The following PCDHA4 variants were observed in gnomAD, a reference collection of about 807,000 sequenced individuals.
PCDHA4 encodes protocadherin alpha 4, also known as protocadherin alpha-4.
Under a neutral mutation model 61.4 loss-of-function variants are expected in PCDHA4, and 49 were observed. That is an observed-to-expected ratio of 0.80 (90% CI 0.63 to 1.01). The LOEUF (loss-of-function observed/expected upper bound fraction) is 1.01. PCDHA4 is among the 50% of genes least tolerant of loss of function. The pLI is 0.00. For synonymous variants in PCDHA4, 590 were observed against 550.3 expected, an observed-to-expected ratio of 1.07 and a Z score of -1.01; for missense variants, 1,254 against 1,235.8, an observed-to-expected ratio of 1.01 and a Z score of -0.22.
rs1554125113 is a variant in PCDHA4, at chr5:140,809,268, T to G, written c.2081T>G (p.Val694Gly). Residue 694 changes from valine to glycine, a missense_variant, in exon 1 of 4, where the codon GTG becomes GGG. By Grantham distance (109) the Val-to-Gly change is moderately radical. Coordinates refer to ENST00000530339, the MANE Select transcript of PCDHA4 (RefSeq NM_018907.4). ...GCTGTGGGTCCCGATGCTGCGCTGG[T>G]GGATGTCAACGTATACCTGATCATT... is the stretch of plus-strand genomic sequence containing the variant. The part of the protein sequence containing the change: ...VGAVGPDAAL[V>G]DVNVYLIIAI... 6.2e-7 allele frequency: 1 copy of G among 1,614,118 alleles called. No homozygotes were observed. The highest frequency in any genetic ancestry group is 1.1e-5 in the South Asian group (1 of 91,092).
intron 1 of PCDHA4, among the ~76,000 whole-genome samples, chr5:140,954,129 G>T (rs1206426573): frequency 6.6e-6 from 1 of 152,160 alleles, no homozygotes; most frequent in Non-Finnish European, 1.5e-5. Context: ...CCTTTTTATG[G>T]ATGCATAGTA....
At chr5:140,883,018 G>T (rs1400637236) in intron 1 of PCDHA4, 2 of 1,613,968 alleles carry the variant, frequency 1.2e-6, no homozygotes, top group East Asian at 2.2e-5. Flanking sequence ...ATAAAGTGAC[G>T]GTGTTAGAGA....
chr5:140,902,956 G>A (rs1356131798), intron 1 of PCDHA4, among the ~76,000 whole-genome samples: 3 of 152,242 alleles, frequency 2.0e-5, no homozygotes, highest in Non-Finnish European at 4.4e-5. Context: ...TTATCCACTT[G>A]TTGGCTGATG....
intron 1 of PCDHA4, among the ~76,000 whole-genome samples, chr5:140,974,319 G>A (rs781949857): frequency 1.8e-4 from 27 of 152,198 alleles, no homozygotes; most frequent in Non-Finnish European, 3.5e-4. Flanking sequence ...TGAGAGAGTA[G>A]CTGCTGTGCT....
At chr5:140,857,244 C>G in intron 1 of PCDHA4, 1 of 1,598,592 alleles carries the variant, frequency 6.3e-7, no homozygotes, top group Non-Finnish European at 8.6e-7. Context: ...CTGGTGTCCA[C>G]CTACAAGAAT....
At chr5:140,901,654 T>C (rs1274474554) in intron 1 of PCDHA4, among the ~76,000 whole-genome samples, 6 of 152,194 alleles carry the variant, frequency 3.9e-5, no homozygotes. Flanking sequence ...GTTTTGTTCT[T>C]TTTGCTCAAG....
chr5:140,928,998 CGT>C, intron 1 of PCDHA4: 1 of 1,613,902 alleles, frequency 6.2e-7, no homozygotes. Flanking sequence ...TACTTTTCTT[CGT>C]GTGTACCAAG....
intron 1 of PCDHA4, among the ~76,000 whole-genome samples, chr5:140,956,692 C>T (rs246012): frequency 0.56 from 85,656 of 151,960 alleles, 24,760 homozygotes; most frequent in African/African-American, 0.69. Context: ...CCTCCTTTTC[C>T]ATTGTTTGGA....
intron 1 of PCDHA4, chr5:140,815,429 A>C (rs1414322754): frequency 6.6e-6 from 1 of 152,162 alleles, no homozygotes; most frequent in Non-Finnish European, 1.5e-5. Context: ...TTAAACTGAT[A>C]GCATCTTTAC....
intron 2 of PCDHA4, among the ~76,000 whole-genome samples, chr5:140,979,979 T>C (rs1007546118): frequency 6.6e-6 from 1 of 152,194 alleles, no homozygotes; most frequent in African/African-American, 2.4e-5. Flanking sequence ...ATGCATTAGA[T>C]TGAAATAAAT....
chr5:140,871,716 C>G (rs1315028077), intron 1 of PCDHA4: 6 of 796,846 alleles, frequency 7.5e-6, no homozygotes, highest in Non-Finnish European at 1.1e-5. Flanking sequence ...TGTCCTATTT[C>G]TCTTAATATT....
At chr5:140,916,264 A>G (rs1455161672) in intron 1 of PCDHA4, among the ~76,000 whole-genome samples, 1 of 152,200 alleles carries the variant, frequency 6.6e-6, no homozygotes, top group East Asian at 1.9e-4. Flanking sequence ...CCCCAAGAGC[A>G]TGCTTGTTGC....
chr5:140,815,317 A>G (rs1384062495), intron 1 of PCDHA4: 1 of 151,994 alleles, frequency 6.6e-6, no homozygotes, highest in South Asian at 2.1e-4. Context: ...TTGTAATGCT[A>G]TGTTTTTGTT....
intron 1 of PCDHA4, among the ~76,000 whole-genome samples, chr5:140,844,931 A>C (rs1262967576): frequency 6.7e-6 from 1 of 149,362 alleles, no homozygotes; most frequent in Non-Finnish European, 1.5e-5. Flanking sequence ...GAAGGGAATG[A>C]ACGATTTCTG....
intron 1 of PCDHA4, among the ~76,000 whole-genome samples, chr5:140,924,898 AAAAAAAATAAAAT>A (rs1214088536): frequency 1.9e-4 from 10 of 53,034 alleles, no homozygotes; most frequent in Non-Finnish European, 1.3e-4. Context: ...CTGTCTCAAA[AAAAAAAATAAAAT>A]AAAATAAAAT....
In PCDHA4 at chr5:140,856,944, G is replaced by C. The variant is rs1424566635; in HGVS notation, c.2385+47372G>C. Reference sequence around the variant, plus strand: ...AAATTTTGGATAAACGAAAGGACGGGAGAAATAAAAGTAAATGATGCTATT... The same window carrying C: ...AAATTTTGGATAAACGAAAGGACGGCAGAAATAAAAGTAAATGATGCTATT... On this transcript the variant is annotated intron_variant, in intron 1 of 3. Transcript: ENST00000530339. 8.8e-6 allele frequency: 14 copies of C among 1,593,558 alleles called. 1 individual carries two copies. The highest frequency in any genetic ancestry group is 1.3e-5 in the African/African-American group (1 of 74,212).
intron 1 of PCDHA4, among the ~76,000 whole-genome samples, chr5:140,961,708 A>C (rs2095630610): frequency 6.6e-6 from 1 of 152,204 alleles, no homozygotes; most frequent in Non-Finnish European, 1.5e-5. Flanking sequence ...GAATGCCTTC[A>C]TTTCTAAGTG....
At chr5:140,994,939 C>T (rs1210134523) in intron 3 of PCDHA4, among the ~76,000 whole-genome samples, 5 of 152,160 alleles carry the variant, frequency 3.3e-5, no homozygotes, top group Non-Finnish European at 7.3e-5. Context: ...CTTAAACATC[C>T]TGCTAAATAA....
At chr5:140,968,683 A>G (rs782664501) in intron 1 of PCDHA4, 7 of 1,614,164 alleles carry the variant, frequency 4.3e-6, no homozygotes. Flanking sequence ...AGCTGCACAC[A>G]GGAGAAATTA....
Sources: gnomAD v4.1 joint callset for allele counts (sites outside exome capture counted in the v4.1 genomes callset) on GRCh38, gnomAD v4.1.1 for gene constraint, MANE v1.5 for transcripts, NCBI Gene and HGNC (gene_info 2026-07-23, HGNC 2026-07-21) for gene names.